Variants in CAB39L observed in about 807,000 individuals in gnomAD.
The protein encoded by CAB39L is calcium-binding protein 39-like.
In CAB39L, 23 loss-of-function variants were observed where a neutral mutation model predicts 39.1. That is an observed-to-expected ratio of 0.59 (90% CI 0.42 to 0.83). The LOEUF (loss-of-function observed/expected upper bound fraction) is 0.83, where lower values mean the gene tolerates loss of function less well. Among genes scored for constraint, CAB39L ranks in the 40% least tolerant of loss-of-function variants. The pLI is 0.00. For synonymous variants in CAB39L, 126 were observed against 137.2 expected (o/e 0.92, Z 0.57); for missense variants, 366 against 391.9 (o/e 0.93, Z 0.56).
intron 3 of CAB39L, among the ~76,000 whole-genome samples, chr13:49,396,134 C>T (rs1956619430): frequency 6.7e-6 from 1 of 148,312 alleles, no homozygotes; most frequent in South Asian, 2.2e-4. Flanking sequence ...TTTTGAATGT[C>T]AAAGTTTTCC....
chr13:49,384,696 G>A (rs1394354244), intron 3 of CAB39L, among the ~76,000 whole-genome samples: 1 of 152,104 alleles, frequency 6.6e-6, no homozygotes, highest in Non-Finnish European at 1.5e-5. Context: ...TCCATGGGCT[G>A]CAGAATGGAT....
intron 10 of CAB39L, among the ~76,000 whole-genome samples, chr13:49,330,589 C>T (rs1309423675): frequency 6.6e-6 from 1 of 152,000 alleles, no homozygotes; most frequent in African/African-American, 2.4e-5. Flanking sequence ...CACACCACTG[C>T]ACTCTAGCCT....
chr13:49,349,328 A>G (rs1593962737), intron 7 of CAB39L, among the ~76,000 whole-genome samples: 1 of 151,950 alleles, frequency 6.6e-6, no homozygotes. Context: ...TACATGGATT[A>G]CAATTAAGTA....
At chr13:49,326,719 C>T (rs531191577) in intron 10 of CAB39L, among the ~76,000 whole-genome samples, 17 of 152,328 alleles carry the variant, frequency 1.1e-4, no homozygotes, top group African/African-American at 4.1e-4. Context: ...AAGTTACACA[C>T]ATACAAGTAA....
At chr13:49,344,810 C>T (rs549493727) in intron 7 of CAB39L, among the ~76,000 whole-genome samples, 22 of 152,240 alleles carry the variant, frequency 1.4e-4, no homozygotes, top group Non-Finnish European at 2.2e-4. Context: ...TTAAAATGGG[C>T]GCCTCGGATA....
At position 49,400,377 on chromosome 13, in the gene CAB39L, T is replaced by C. The variant is rs1272330180; in HGVS notation, c.-31-17436A>G. ...TTTTAAGATTATACAAAAAAAGTTT[T>C]ATTGGAATGTGAATAGATATTTTTA... On this transcript the variant is annotated intron_variant, in intron 3 of 10. Transcript: ENST00000409308. Among the ~76,000 whole-genome samples, 99 of 152,100 alleles carry C rather than the reference T, an allele frequency of 6.5e-4. 1 individual carries two copies. Among genetic ancestry groups the C allele is most frequent in the Non-Finnish European group, 1.3e-4 (9 of 67,940 alleles).
intron 3 of CAB39L, among the ~76,000 whole-genome samples, chr13:49,385,935 C>T (rs201532153): frequency 0.023 from 457 of 19,698 alleles, 5 homozygotes; most frequent in South Asian, 0.22. Flanking sequence ...AAAGTGAGCA[C>T]ATGCTGGTGA....
In CAB39L at chr13:49,393,258, A is replaced by T. The variant is rs578160241; in HGVS notation, c.-31-10317T>A. Among the ~76,000 whole-genome samples, 69 of 152,254 alleles carry T rather than the reference A, an allele frequency of 4.5e-4. 1 individual carries two copies. Among genetic ancestry groups the T allele is most frequent in the Non-Finnish European group, 3.1e-4 (21 of 67,950 alleles). On this transcript the variant is annotated intron_variant, in intron 3 of 10. Transcript: ENST00000409308. ...CAGCTTTCACATATAAGAAATTGCC[A>T]GTCAGAAAACATAATGAAAAGCATA...
chr13:49,387,975 A>G (rs2138610258), intron 3 of CAB39L, among the ~76,000 whole-genome samples: 1 of 152,328 alleles, frequency 6.6e-6, no homozygotes, highest in East Asian at 1.9e-4. Context: ...ATAATGTACT[A>G]GGCACTGAAC....
At chr13:49,348,220 G>C (rs1955237565) in intron 7 of CAB39L, among the ~76,000 whole-genome samples, 1 of 152,038 alleles carries the variant, frequency 6.6e-6, no homozygotes, top group Non-Finnish European at 1.5e-5. Context: ...CTGATGTCTC[G>C]GGCAATTCAG....
intron 5 of CAB39L, among the ~76,000 whole-genome samples, chr13:49,363,459 G>A (rs1454251438): frequency 2.0e-5 from 3 of 151,834 alleles, no homozygotes; most frequent in Non-Finnish European, 2.9e-5. Flanking sequence ...GATGGTATAC[G>A]CATGCCTCAT....
At chr13:49,318,866 G>T (rs1254968506) in intron 10 of CAB39L, among the ~76,000 whole-genome samples, 1 of 151,624 alleles carries the variant, frequency 6.6e-6, no homozygotes, top group East Asian at 1.9e-4. Context: ...ATAGCCAAAA[G>T]GTGCAAACAA....
Position 49,362,286 on chromosome 13 carries a change from T to C in CAB39L, c.277-2454A>G, listed in dbSNP as rs1955657788. ...GGGACCAATCCTGGGACAATAGAGA[T>C]ATATGACCTTTCAGACAGAGAATTC... is the stretch of plus-strand genomic sequence containing the variant. On this transcript the variant is annotated intron_variant, in intron 5 of 10. Coordinates refer to ENST00000409308, the MANE Select transcript of CAB39L (RefSeq NM_001079670.3). Among the ~76,000 whole-genome samples the C allele has an allele frequency of 3.3e-5, 5 of 152,080 alleles. No homozygotes were observed. The South Asian group carries it at 1.0e-3, about 32-fold the overall frequency.
At chr13:49,437,080 T>C in intron 1 of CAB39L, among the ~76,000 whole-genome samples, 1 of 152,210 alleles carries the variant, frequency 6.6e-6, no homozygotes, top group East Asian at 1.9e-4. Flanking sequence ...CCAGTTGAAA[T>C]GTTTTGACTA....
intron 5 of CAB39L, among the ~76,000 whole-genome samples, chr13:49,376,559 G>A (rs1397554289): frequency 1.3e-5 from 2 of 152,220 alleles, no homozygotes; most frequent in Admixed American, 6.5e-5. Context: ...TCTGAAGTAA[G>A]TGAGTGACTT....
intron 5 of CAB39L, among the ~76,000 whole-genome samples, chr13:49,364,210 A>G (rs922784568): frequency 6.6e-6 from 1 of 152,240 alleles, no homozygotes; most frequent in African/African-American, 2.4e-5. Context: ...GACACATCCC[A>G]ATACAACAAT....
chr13:49,382,630 G>A, intron 4 of CAB39L, 170 bp downstream of exon 4: 1 of 548,512 alleles, frequency 1.8e-6, no homozygotes, highest in South Asian at 2.2e-5. Flanking sequence ...CATCACAACA[G>A]ACTAAATAAT....
intron 7 of CAB39L, among the ~76,000 whole-genome samples, chr13:49,349,500 C>T (rs1409661357): frequency 1.3e-5 from 2 of 149,370 alleles, no homozygotes; most frequent in Non-Finnish European, 3.0e-5. Context: ...GTCTTACCTA[C>T]TTTTTAAACC....
At chr13:49,333,738 AT>A (rs886338459) in intron 9 of CAB39L, among the ~76,000 whole-genome samples, 3 of 151,502 alleles carry the variant, frequency 2.0e-5, no homozygotes, top group Admixed American at 1.3e-4. Flanking sequence ...TGCCCGGCTA[AT>A]TTTTTAGTAT....
Sources: gnomAD v4.1 joint callset for allele counts (sites outside exome capture counted in the v4.1 genomes callset) on GRCh38, gnomAD v4.1.1 for gene constraint, MANE v1.5 for transcripts, NCBI Gene and HGNC (gene_info 2026-07-23, HGNC 2026-07-21) for gene names.